The following ARPC1A variants were observed in gnomAD, a reference collection of about 807,000 sequenced individuals.
The protein encoded by ARPC1A is actin related protein 2/3 complex subunit 1A, also known as actin-related protein 2/3 complex subunit 1A.
Under a neutral mutation model 46.9 loss-of-function variants are expected in ARPC1A, and 8 were observed. The observed-to-expected ratio is 0.17, with a 90% CI of 0.10 to 0.31. The LOEUF (loss-of-function observed/expected upper bound fraction) is 0.31, where lower values mean the gene tolerates loss of function less well. Among genes scored for constraint, ARPC1A ranks in the 10% least tolerant of loss-of-function variants. ARPC1A has a pLI of 1.00. For synonymous variants in ARPC1A, 152 were observed against 169.0 expected, an observed-to-expected ratio of 0.90 and a Z score of 0.78; for missense variants, 286 against 483.6, an observed-to-expected ratio of 0.59 and a Z score of 3.83.
In ARPC1A at chr7:99,333,301, G is replaced by A. The variant is rs538574565; in HGVS notation, c.-29-24G>A. On this transcript the variant is annotated intron_variant, in intron 1 of 9. Coordinates refer to ENST00000262942, the MANE Select transcript of ARPC1A (RefSeq NM_006409.4). Reference sequence around the variant, plus strand: ...TTGCCTTTTCCCTATTGTATAAAATGCTTTTTGTTATTGTTCATTGCAGCT... The same window carrying A: ...TTGCCTTTTCCCTATTGTATAAAATACTTTTTGTTATTGTTCATTGCAGCT... The A allele has an allele frequency of 3.6e-5, 53 of 1,473,994 alleles. No homozygotes were observed. In the African/African-American group the frequency reaches 6.7e-4, roughly 19 times the overall value. 91.3% of individuals were successfully genotyped at this position (1,473,994 alleles called of 1,614,324 possible).
chr7:99,335,579 G>T, intron 2 of ARPC1A: 1 of 287,284 alleles, frequency 3.5e-6, no homozygotes. Context: ...TGAATTTTAG[G>T]ATCAGTTTGT....
chr7:99,348,848 A>T lies in ARPC1A; in HGVS notation c.393-4A>T, dbSNP rs761242971. 16 of 1,613,116 alleles carry T rather than the reference A, an allele frequency of 9.9e-6. No homozygotes were observed. Among genetic ancestry groups the T allele is most frequent in the Non-Finnish European group, 1.3e-5 (15 of 1,179,336 alleles). On this transcript the variant is annotated splice_region_variant and splice_polypyrimidine_tract_variant and intron_variant, in intron 4 of 9. Transcript: ENST00000262942. ...TAAACTGAAACAGTTTTCCCCTCTC[A>T]TAGGTGGGTGAGCAAGCACATTAAA...
intron 4 of ARPC1A, among the ~76,000 whole-genome samples, chr7:99,344,917 G>GTTGTTTTTT (rs1562799264): frequency 3.4e-5 from 1 of 29,594 alleles, no homozygotes; most frequent in African/African-American, 1.9e-4. Flanking sequence ...AGATAACAAT[G>GTTGTTTTTT]TTCTTTTTTT....
intron 2 of ARPC1A, among the ~76,000 whole-genome samples, chr7:99,335,055 A>G (rs910140332): frequency 2.0e-5 from 3 of 152,146 alleles, no homozygotes; most frequent in Non-Finnish European, 2.9e-5. Flanking sequence ...CCTGTTAGCC[A>G]GGATGGTCTC....
intron 6 of ARPC1A, among the ~76,000 whole-genome samples, chr7:99,354,660 C>A (rs1793601988): frequency 1.3e-5 from 2 of 151,856 alleles, no homozygotes; most frequent in Admixed American, 1.3e-4. Flanking sequence ...GCCTGGCCAA[C>A]ATGGTGAAAC....
intron 6 of ARPC1A, among the ~76,000 whole-genome samples, chr7:99,356,761 G>A (rs542584335): frequency 7.9e-5 from 12 of 152,142 alleles, no homozygotes; most frequent in African/African-American, 2.7e-4. Context: ...TTAGCCAGGC[G>A]TGGTGGCGGG....
chr7:99,329,883 G>C (rs893209386), intron 1 of ARPC1A, among the ~76,000 whole-genome samples: 3 of 152,070 alleles, frequency 2.0e-5, no homozygotes, highest in African/African-American at 7.2e-5. Flanking sequence ...TTTATTTTTA[G>C]TTAACAAATA....
At chr7:99,335,053 C>T (rs918884021) in intron 2 of ARPC1A, among the ~76,000 whole-genome samples, 2 of 152,142 alleles carry the variant, frequency 1.3e-5, no homozygotes, top group South Asian at 4.1e-4. Flanking sequence ...CACCTGTTAG[C>T]CAGGATGGTC....
chr7:99,344,256 G>A, intron 3 of ARPC1A, 37 bp from the exon 4 acceptor site: 1 of 1,603,700 alleles, frequency 6.2e-7, no homozygotes, highest in Non-Finnish European at 8.5e-7. Context: ...GTTTGTCATT[G>A]ACTGGGCAAA....
chr7:99,359,861 G>T, intron 8 of ARPC1A, 123 bp downstream of exon 8: 2 of 1,170,258 alleles, frequency 1.7e-6, no homozygotes, highest in Non-Finnish European at 1.2e-6. Context: ...TCAGGGACAA[G>T]TGCAGCAAGA....
intron 5 of ARPC1A, among the ~76,000 whole-genome samples, chr7:99,351,719 A>C (rs1213317768): frequency 6.6e-6 from 1 of 152,058 alleles, no homozygotes; most frequent in African/African-American, 2.4e-5. Context: ...CTGTACTGCC[A>C]TTGTCATTTG....
intron 2 of ARPC1A, among the ~76,000 whole-genome samples, chr7:99,334,355 CTCTT>C (rs1218456723): frequency 1.3e-5 from 2 of 151,394 alleles, no homozygotes; most frequent in African/African-American, 4.9e-5. Flanking sequence ...GGGCAAGACT[CTCTT>C]TCTCAAAAAA....
chr7:99,353,254 G>T (rs1422261758), intron 5 of ARPC1A, among the ~76,000 whole-genome samples: 1 of 151,628 alleles, frequency 6.6e-6, no homozygotes, highest in Non-Finnish European at 1.5e-5. Context: ...TGCCTCCTGG[G>T]TTCACGCCAT....
At position 99,365,904 on chromosome 7, in the gene ARPC1A, C is replaced by T. The variant is rs374155785; in HGVS notation, c.1088C>T (p.Ser363Phe). The T allele has an allele frequency of 1.5e-5, 23 of 1,575,602 alleles. No individual in the cohort carries two copies. The African/African-American group carries it at 2.2e-4, about 15-fold the overall frequency. Reference sequence around the variant, plus strand: ...ACCTTTTCCAAGACCCTCGAGTCTTCCATCCAGGGCCTCCGGATAATGTGA... The same window carrying T: ...ACCTTTTCCAAGACCCTCGAGTCTTTCATCCAGGGCCTCCGGATAATGTGA... ...TIWDFKTLES[S>F]IQGLRIM Residue 363 changes from serine to phenylalanine, a missense_variant, in exon 10 of 10, where the codon TCC becomes TTC. Around this residue, in one of 5 missense-constraint regions of ARPC1A, gnomAD observed 182 missense variants for 276.7 expected, o/e 0.66. Coordinates refer to ENST00000262942, the MANE Select transcript of ARPC1A (RefSeq NM_006409.4).
chr7:99,352,155 G>A (rs946115473), intron 5 of ARPC1A, among the ~76,000 whole-genome samples: 6 of 152,070 alleles, frequency 3.9e-5, no homozygotes, highest in Admixed American at 1.3e-4. Context: ...GACTGCGCAG[G>A]CTTCCTGGAG....
intron 7 of ARPC1A, chr7:99,358,622 C>A: frequency 2.0e-6 from 1 of 498,638 alleles, no homozygotes; most frequent in Non-Finnish European, 3.6e-6. Context: ...CTCACCGCAA[C>A]CTCTGCCTCC....
chr7:99,359,934 C>T (rs1793712088), intron 8 of ARPC1A, 196 bp downstream of exon 8: 1 of 642,942 alleles, frequency 1.6e-6, no homozygotes, highest in East Asian at 2.8e-5. Context: ...GGAGTCGCCA[C>T]CACCTGGTCA....
intron 2 of ARPC1A, chr7:99,335,482 G>A (rs1323572935): frequency 5.2e-6 from 2 of 382,216 alleles, no homozygotes; most frequent in South Asian, 3.6e-5. Flanking sequence ...CTATAGCTTG[G>A]TGGTAAGTTT....
intron 5 of ARPC1A, 66 bp downstream of exon 5, chr7:99,349,025 G>C: frequency 6.9e-7 from 1 of 1,455,398 alleles, no homozygotes; most frequent in Non-Finnish European, 9.6e-7. Context: ...AATAATTTTA[G>C]GTTCTCTTTC....
Sources: gnomAD v4.1 joint callset for allele counts (sites outside exome capture counted in the v4.1 genomes callset) on GRCh38, gnomAD v4.1.1 for gene constraint, gnomAD v4.1.1 regional missense constraint, MANE v1.5 for transcripts, NCBI Gene and HGNC (gene_info 2026-07-23, HGNC 2026-07-21) for gene names.